MAP2K2: variants seen among roughly 807,000 people sequenced by gnomAD.
MAP2K2 encodes mitogen-activated protein kinase kinase 2.
MAP2K2 carries 24 observed loss-of-function variants against 43.7 expected under a neutral mutation model. That is an observed-to-expected ratio of 0.55 (90% CI 0.40 to 0.77). The LOEUF (loss-of-function observed/expected upper bound fraction) is 0.77. MAP2K2 is among the 30% of genes least tolerant of loss of function. The probability of loss-of-function intolerance (pLI) is 0.00; values close to 1 mark genes in which losing one functional copy is unlikely to be tolerated. For synonymous variants in MAP2K2, 244 were observed against 239.7 expected (o/e 1.02, Z -0.17); for missense variants, 470 against 566.8 (o/e 0.83, Z 1.73).
intron 3 of MAP2K2, chr19:4,103,206 C>A: frequency 1.0e-6 from 1 of 986,982 alleles, no homozygotes; most frequent in Non-Finnish European, 1.2e-6. Context: ...GGGCATCCTG[C>A]GGAGGGCCTG....
chr19:4,100,174 A>G (rs1317616987), intron 6 of MAP2K2: 1 of 152,182 alleles, frequency 6.6e-6, no homozygotes, highest in African/African-American at 2.4e-5. Flanking sequence ...TGAATCCGGG[A>G]GGCGGAGCTT....
intron 1 of MAP2K2, among the ~76,000 whole-genome samples, 194 bp from the exon 2 acceptor site, chr19:4,117,823 C>T (rs1447418077): frequency 6.6e-6 from 1 of 152,216 alleles, no homozygotes; most frequent in African/African-American, 2.4e-5. Flanking sequence ...TCCAGGGCGG[C>T]TCCCCGGGAA....
At position 4,115,745 on chromosome 19, in the gene MAP2K2, C is replaced by T. The variant is rs2041212798; in HGVS notation, c.303+1674G>A. Among the ~76,000 whole-genome samples the T allele has an allele frequency of 6.6e-6, 1 of 152,194 alleles. No homozygotes were observed. The highest frequency in any genetic ancestry group is 1.9e-4 in the East Asian group (1 of 5,192). ...GGCCCTCAAGCACTGCTGCCACCTG[C>T]GCAGACCCACGGGACTAGGTGCAGT... On this transcript the variant is annotated intron_variant, in intron 2 of 10. Coordinates refer to ENST00000262948, the MANE Select transcript of MAP2K2 (RefSeq NM_030662.4). This position sits in a 1 kb window ranked among gnomAD's most constrained non-coding sequence, Gnocchi z 4.1.
chr19:4,103,931 A>G (rs1457563592), intron 3 of MAP2K2, among the ~76,000 whole-genome samples: 2 of 152,130 alleles, frequency 1.3e-5, no homozygotes, highest in African/African-American at 4.8e-5. Flanking sequence ...TTCTATTCTC[A>G]GTTTTTATCA....
rs1431720692 is a variant in MAP2K2 at position 4,099,259 on chromosome 19, T to C, written c.861A>G (p.Glu287=). Residue 287 remains glutamate (E), a synonymous_variant, in exon 7 of 11, where the codon GAA becomes GAG. Coordinates refer to ENST00000262948, the MANE Select transcript of MAP2K2 (RefSeq NM_030662.4). ...AIFGRPVVDG[E]EGEPHSISPR... ...GCGAGATGCTGTGAGGCTCTCCTTC[T>C]TCCCCGTCGACCACGGGCCGGCCAA... 2 of 1,606,050 alleles carry C rather than the reference T, an allele frequency of 1.2e-6. No homozygotes were observed. The highest frequency in any genetic ancestry group is 8.5e-7 in the Non-Finnish European group (1 of 1,176,824).
Position 4,118,110 on chromosome 19 carries a change from G to T in MAP2K2, c.93-481C>A, listed in dbSNP as rs900831497. Among the ~76,000 whole-genome samples the T allele has an allele frequency of 9.2e-5, 14 of 152,164 alleles. 1 individual carries two copies. The highest frequency in any genetic ancestry group is 2.6e-4 in the Admixed American group (4 of 15,262). On this transcript the variant is annotated intron_variant, in intron 1 of 10. Coordinates refer to ENST00000262948, the MANE Select transcript of MAP2K2 (RefSeq NM_030662.4). ...CCGCCACCATGCCCGGCTAATTTTT[G>T]TATTTTCAGTAGAGACAGGGTTTCG...
rs941078319 is a variant in MAP2K2 at position 4,115,709 on chromosome 19, G to A, written c.303+1710C>T. On this transcript the variant is annotated intron_variant, in intron 2 of 10. Transcript: ENST00000262948. This position sits in a 1 kb window ranked among gnomAD's most constrained non-coding sequence, Gnocchi z 4.1. ...CCGCAGGAGTTGAGCCGCTGCTCCCGAGGAAGGCAGGGCCCTCAAGCACTG... is the reference window on the plus strand; with the variant it reads ...CCGCAGGAGTTGAGCCGCTGCTCCCAAGGAAGGCAGGGCCCTCAAGCACTG... 2.0e-5 allele frequency among the ~76,000 whole-genome samples: 3 copies of A among 152,206 alleles called. No homozygotes were observed. Among genetic ancestry groups the A allele is most frequent in the Non-Finnish European group, 4.4e-5 (3 of 68,024 alleles).
At chr19:4,094,201 G>A (rs184539405) in intron 10 of MAP2K2, among the ~76,000 whole-genome samples, 2 of 152,270 alleles carry the variant, frequency 1.3e-5, no homozygotes, top group Admixed American at 6.5e-5. Flanking sequence ...AGGCAGGAGC[G>A]GCGGAGCTCA....
chr19:4,099,502 C>T (rs979681780), intron 6 of MAP2K2, 88 bp from the exon 7 acceptor site: 2 of 1,037,730 alleles, frequency 1.9e-6, no homozygotes, highest in Non-Finnish European at 2.9e-6. Flanking sequence ...GCCCCCGTCA[C>T]CCTCTCCATG....
chr19:4,105,910 A>C (rs2041080222), intron 3 of MAP2K2, among the ~76,000 whole-genome samples: 2 of 150,992 alleles, frequency 1.3e-5, no homozygotes, highest in Non-Finnish European at 3.0e-5. Context: ...AGGTCCTCCC[A>C]CTTCAGCCTC....
At chr19:4,106,916 C>A (rs561807142) in intron 3 of MAP2K2, among the ~76,000 whole-genome samples, 2 of 152,310 alleles carry the variant, frequency 1.3e-5, no homozygotes, top group South Asian at 4.1e-4. Context: ...AGGACGAGAC[C>A]CCCAGAAAGG....
chr19:4,102,819 G>A, intron 3 of MAP2K2: 1 of 1,221,836 alleles, frequency 8.2e-7, no homozygotes, highest in Non-Finnish European at 1.0e-6. Context: ...CAGCCTACGT[G>A]GTGGGCTTGT....
intron 3 of MAP2K2, among the ~76,000 whole-genome samples, chr19:4,108,543 T>C (rs1036220417): frequency 2.0e-5 from 3 of 151,870 alleles, no homozygotes; most frequent in African/African-American, 7.3e-5. Flanking sequence ...CCACCGCCCC[T>C]GGCTAGACCA....
At chr19:4,095,539 G>T in intron 8 of MAP2K2, 90 bp from the exon 9 acceptor site, 1 of 1,113,346 alleles carries the variant, frequency 9.0e-7, no homozygotes, top group Non-Finnish European at 1.3e-6. Flanking sequence ...GTCCTGTCCG[G>T]TCACCCACCC....
chr19:4,095,411 G>A lies in MAP2K2; in HGVS notation c.1023C>T (p.Asp341=), dbSNP rs2040903594. 6.4e-7 allele frequency: 1 copy of A among 1,551,240 alleles called. No individual in the cohort carries two copies. The highest frequency in any genetic ancestry group is 8.7e-7 in the Non-Finnish European group (1 of 1,146,872). Residue 341 remains aspartate, a synonymous_variant, in exon 9 of 11, where the codon GAC becomes GAT. Coordinates refer to ENST00000262948, the MANE Select transcript of MAP2K2 (RefSeq NM_030662.4). ...ACCATTTATTGACAAACTCCTGGAA[G>A]TCGGGGGTGAACACACCGTTGGGCA... ...PKLPNGVFTP[D]FQEFVNKCLI...
chr19:4,092,774 GA>G (rs1398578392), intron 10 of MAP2K2, among the ~76,000 whole-genome samples: 2 of 151,862 alleles, frequency 1.3e-5, no homozygotes, highest in African/African-American at 2.4e-5. Context: ...CATTAAAAAA[GA>G]AAAAAAGTCA....
chr19:4,110,689 G>T (rs757322185), intron 2 of MAP2K2, 34 bp from the exon 3 acceptor site: 46 of 1,600,202 alleles, frequency 2.9e-5, no homozygotes, highest in Non-Finnish European at 3.4e-5. Context: ...TGGCTTGGGG[G>T]GTGCCCGAAA....
At position 4,111,765 on chromosome 19, in the gene MAP2K2, C is replaced by T. The variant is rs144616530; in HGVS notation, c.304-1110G>A. On this transcript the variant is annotated intron_variant, in intron 2 of 10. Transcript: ENST00000262948. ...GGTCAGGAGTTCAAGACCAGCCGGA[C>T]CAACATGGTGAAACCCCGTCTCTAC... Among the ~76,000 whole-genome samples the T allele has an allele frequency of 9.6e-3, 1,456 of 152,158 alleles. 25 individuals are homozygous for T. The highest frequency in any genetic ancestry group is 0.033 in the African/African-American group (1,372 of 41,500).
At chr19:4,110,363 A>ATGGCATCGACTGCCT (rs2041138256) in intron 3 of MAP2K2, 146 bp downstream of exon 3, 12 of 935,844 alleles carry the variant, frequency 1.3e-5, no homozygotes, top group Non-Finnish European at 1.5e-5. Context: ...ACATACTTGT[A>ATGGCATCGACTGCCT]TGGCATCGAC....
Sources: gnomAD v4.1 joint callset for allele counts (sites outside exome capture counted in the v4.1 genomes callset) on GRCh38, gnomAD v4.1.1 for gene constraint, Gnocchi (gnomAD v3.1) non-coding constraint, MANE v1.5 for transcripts, NCBI Gene and HGNC (gene_info 2026-07-23, HGNC 2026-07-21) for gene names.